The following USO1 variants were observed in gnomAD, a reference collection of about 807,000 sequenced individuals.
The protein encoded by USO1 is general vesicular transport factor p115.
A neutral mutation model predicts 124.5 loss-of-function variants in USO1; 57 were observed. The ratio of observed to expected loss-of-function variants is 0.46; its 90% CI spans 0.37 to 0.57. The LOEUF (loss-of-function observed/expected upper bound fraction) is 0.57. Among genes scored for constraint, USO1 ranks in the 20% least tolerant of loss-of-function variants. The pLI is 0.00. For synonymous variants in USO1, 369 were observed against 362.8 expected (o/e 1.02, Z -0.19); for missense variants, 900 against 1,040.6 (o/e 0.86, Z 1.86).
At chr4:75,761,141 T>A (rs1454981382) in intron 4 of USO1, among the ~76,000 whole-genome samples, 1 of 152,050 alleles carries the variant, frequency 6.6e-6, no homozygotes. Context: ...AGAGTGAGAC[T>A]TGTCTCAAAA....
At chr4:75,759,211 G>A (rs1325317658) in intron 4 of USO1, among the ~76,000 whole-genome samples, 1 of 127,716 alleles carries the variant, frequency 7.8e-6, no homozygotes, top group East Asian at 2.4e-4. Flanking sequence ...ATGATCCTTT[G>A]GATAAACAGT....
At chr4:75,784,479 G>T (rs554712004) in intron 9 of USO1, among the ~76,000 whole-genome samples, 2 of 152,234 alleles carry the variant, frequency 1.3e-5, no homozygotes, top group East Asian at 3.9e-4. Context: ...TATGGTTTAG[G>T]GTACTATGTA....
In USO1 at chr4:75,790,233, A is replaced by G; in HGVS notation, c.1080A>G (p.Pro360=). 6.3e-7 allele frequency: 1 copy of G among 1,592,468 alleles called. No individual in the cohort carries two copies. Among genetic ancestry groups the G allele is most frequent in the Non-Finnish European group, 8.6e-7 (1 of 1,168,778 alleles). ...YFASVNAPSN[P]PRPAIVVLLM... ...CATCTGTAAATGCACCTTCAAACCC[A>G]CCAAGGTAGAAAAAGGGAAATACTG... The change falls in exon 11 of 24, where the codon CCA becomes CCG. Residue 360 remains proline, a synonymous_variant. Coordinates refer to ENST00000514213, the MANE Select transcript of USO1 (RefSeq NM_003715.4).
intron 1 of USO1, among the ~76,000 whole-genome samples, chr4:75,739,156 T>G (rs1388129622): frequency 6.6e-6 from 1 of 152,178 alleles, no homozygotes; most frequent in Non-Finnish European, 1.5e-5. Context: ...CCAGCCAAGT[T>G]TTTTTAAAGT....
At chr4:75,790,910 A>AT in intron 12 of USO1, 113 bp downstream of exon 12, 45 of 1,218,724 alleles carry the variant, frequency 3.7e-5, no homozygotes, top group Admixed American at 3.7e-5. Flanking sequence ...TGCTTAGGAG[A>AT]GAAAAAAAAA....
rs1221996190 is a variant in USO1 at position 75,790,062 on chromosome 4, A to C, written c.997-88A>C. 41 of 1,382,982 alleles carry C rather than the reference A, an allele frequency of 3.0e-5. No homozygotes were observed. The Middle Eastern group carries it at 5.8e-4, about 20-fold the overall frequency. The allele number at this position is 1,382,982 out of a possible 1,614,324, so 85.7% of individuals were successfully genotyped here. A position where few individuals can be genotyped will look rare whatever the true frequency, so the allele number is the denominator to read the frequency against. ...TAAAGTATAATAAAAAAAAAAACAAAAAAAAAAGATTTTTTTTCTATTGAA... is the reference window on the plus strand; with the variant it reads ...TAAAGTATAATAAAAAAAAAAACAACAAAAAAAGATTTTTTTTCTATTGAA... On this transcript the variant is annotated intron_variant, in intron 10 of 23. Coordinates refer to ENST00000514213, the MANE Select transcript of USO1 (RefSeq NM_003715.4).
At chr4:75,807,501 A>G (rs1204203939) in intron 20 of USO1, among the ~76,000 whole-genome samples, 1 of 152,134 alleles carries the variant, frequency 6.6e-6, no homozygotes, top group African/African-American at 2.4e-5. Flanking sequence ...AAGAGAAATG[A>G]CTGAACATAG....
intron 4 of USO1, 140 bp downstream of exon 4, chr4:75,757,713 C>A: frequency 1.3e-6 from 1 of 776,766 alleles, no homozygotes; most frequent in Non-Finnish European, 1.7e-6. Flanking sequence ...TTAATAAACA[C>A]ATAGGCTTAG....
intron 10 of USO1, among the ~76,000 whole-genome samples, chr4:75,788,688 G>A (rs1330127415): frequency 6.6e-6 from 1 of 150,830 alleles, no homozygotes; most frequent in East Asian, 2.0e-4. Context: ...GATTACAGGC[G>A]ACTGCCACCA....
chr4:75,785,174 A>G (rs192076076), intron 9 of USO1, among the ~76,000 whole-genome samples: 144 of 152,286 alleles, frequency 9.5e-4, no homozygotes, highest in African/African-American at 3.3e-3. Context: ...AAAATGCATC[A>G]TTGTTTTCCT....
chr4:75,764,447 A>G (rs1477387693), intron 4 of USO1, among the ~76,000 whole-genome samples: 1 of 152,120 alleles, frequency 6.6e-6, no homozygotes, highest in African/African-American at 2.4e-5. Context: ...ATCCAAATAT[A>G]TTTGTCCACA....
chr4:75,790,387 A>T, intron 11 of USO1, 149 bp downstream of exon 11: 1 of 1,236,926 alleles, frequency 8.1e-7, no homozygotes, highest in Non-Finnish European at 1.1e-6. Flanking sequence ...TGATATTGAT[A>T]TTTTAAAAGA....
At position 75,801,170 on chromosome 4, in the gene USO1, G is replaced by T; in HGVS notation, c.1956G>T (p.Val652=). The T allele has an allele frequency of 1.2e-6, 2 of 1,609,210 alleles. No individual in the cohort carries two copies. Among genetic ancestry groups the T allele is most frequent in the South Asian group, 2.2e-5 (2 of 89,760 alleles). ...KKTLEQHDNI[V]THYKNMIREQ... is the part of the protein sequence containing the mutation. ...CATTAGAACAGCATGACAATATTGTGACTCACTACAAAAATATGATTCGAG... is the reference window on the plus strand; with the variant it reads ...CATTAGAACAGCATGACAATATTGTTACTCACTACAAAAATATGATTCGAG... Residue 652 remains valine, a synonymous_variant, in exon 17 of 24, where the codon GTG becomes GTT. Transcript: ENST00000514213.
In USO1 at chr4:75,759,391, C is replaced by T. The variant is rs531771608; in HGVS notation, c.295+1818C>T. Reference sequence around the variant, plus strand: ...GGTGGATCACTTGAGGTCAGGAGTTCGAGACCAGCCTGGCCAACATGGTGA... The same window carrying T: ...GGTGGATCACTTGAGGTCAGGAGTTTGAGACCAGCCTGGCCAACATGGTGA... On this transcript the variant is annotated intron_variant, in intron 4 of 23. Coordinates refer to ENST00000514213, the MANE Select transcript of USO1 (RefSeq NM_003715.4). Among the ~76,000 whole-genome samples the T allele has an allele frequency of 1.9e-3, 285 of 150,734 alleles. 1 individual carries two copies. The highest frequency in any genetic ancestry group is 6.8e-3 in the African/African-American group (280 of 41,120).
intron 1 of USO1, among the ~76,000 whole-genome samples, chr4:75,738,926 C>T (rs943566889): frequency 1.3e-5 from 2 of 152,052 alleles, no homozygotes; most frequent in Non-Finnish European, 2.9e-5. Context: ...AAACTGGGCT[C>T]ACTGCAACCT....
At chr4:75,788,476 A>G (rs1722433160) in intron 10 of USO1, among the ~76,000 whole-genome samples, 1 of 151,286 alleles carries the variant, frequency 6.6e-6, no homozygotes, top group South Asian at 2.1e-4. Flanking sequence ...CCTGGATCAC[A>G]TATCTTTTTC....
chr4:75,800,760 T>C lies in USO1; in HGVS notation c.1825T>C (p.Phe609Leu), dbSNP rs368285660. 4 of 1,613,598 alleles carry C rather than the reference T, an allele frequency of 2.5e-6. No homozygotes were observed. Among genetic ancestry groups the C allele is most frequent in the African/African-American group, 1.3e-5 (1 of 75,032 alleles). The change falls in exon 16 of 24, where the codon TTT becomes CTT. Residue 609 changes from phenylalanine (F) to leucine (L), a missense_variant. Phe to Leu is a conservative substitution (Grantham distance 22). Transcript: ENST00000514213. ...PNFPSPEYMI[F>L]DHEFTKLVKE... ...CTTTCCCAGTCCAGAATACATGATA[T>C]TTGATCATGAGTTTACGAAGCTGGT... is the stretch of plus-strand genomic sequence containing the variant.
chr4:75,737,297 G>A (rs1242581580), intron 1 of USO1, among the ~76,000 whole-genome samples: 1 of 152,128 alleles, frequency 6.6e-6, no homozygotes, highest in African/African-American at 2.4e-5. Context: ...AACACATTAG[G>A]ACAGAGTTAG....
At chr4:75,736,654 C>T (rs1720801465) in intron 1 of USO1, among the ~76,000 whole-genome samples, 2 of 152,132 alleles carry the variant, frequency 1.3e-5, no homozygotes, top group Admixed American at 6.5e-5. Flanking sequence ...TTAAAACATA[C>T]AGAGGTACTT....
Sources: allele counts gnomAD v4.1 joint callset (sites outside exome capture counted in the v4.1 genomes callset), GRCh38; gene constraint gnomAD v4.1.1; transcripts MANE v1.5; gene names NCBI Gene and HGNC (gene_info 2026-07-23, HGNC 2026-07-21).